The following MAST4 variants were observed in gnomAD, a reference collection of about 807,000 sequenced individuals.
MAST4 encodes the protein microtubule associated serine/threonine kinase family member 4.
A neutral mutation model predicts 162.7 loss-of-function variants in MAST4; 89 were observed. The observed-to-expected ratio is 0.55, with a 90% CI of 0.46 to 0.65. The LOEUF is 0.65. MAST4 is among the 30% of genes least tolerant of loss of function. The pLI is 0.00. For missense variants in MAST4, 3,153 were observed against 3,374.0 expected (o/e 0.93, Z 1.62); for synonymous variants, 1,479 against 1,361.1 (o/e 1.09, Z -1.91).
chr5:67,152,600 G>A, intron 24 of MAST4, 37 bp from the exon 25 acceptor site: 1 of 1,578,736 alleles, frequency 6.3e-7, no homozygotes, highest in Non-Finnish European at 8.7e-7. Context: ...GCTTGTGTGA[G>A]CCACATGGGC....
At chr5:66,942,407 G>GGAAT (rs1353066249) in intron 4 of MAST4, among the ~76,000 whole-genome samples, 1 of 152,106 alleles carries the variant, frequency 6.6e-6, no homozygotes, top group Non-Finnish European at 1.5e-5. Context: ...AAGCTGTTGG[G>GGAAT]GAATCCCAGT....
At chr5:66,736,289 T>C (rs1223259630) in intron 1 of MAST4, among the ~76,000 whole-genome samples, 1 of 151,692 alleles carries the variant, frequency 6.6e-6, no homozygotes, top group Non-Finnish European at 1.5e-5. Flanking sequence ...AGATGGAGAA[T>C]ACTTTGGCAA....
rs557337437 is a variant in MAST4, at chr5:66,609,712, T to G, written c.363+12694T>G. 5.3e-3 allele frequency among the ~76,000 whole-genome samples: 782 copies of G among 147,456 alleles called. 4 individuals are homozygous for G. Among genetic ancestry groups the G allele is most frequent in the African/African-American group, 0.017 (656 of 38,094 alleles). On this transcript the variant is annotated intron_variant, in intron 1 of 28. Transcript: ENST00000403625. ...TGGTGTTTTTTTTTTTTTGTTTTTT[T>G]TTTTTTGTTTTGTTTTTAAAACAAA...
At chr5:66,682,744 A>AT (rs1020920053) in intron 1 of MAST4, among the ~76,000 whole-genome samples, 1 of 152,004 alleles carries the variant, frequency 6.6e-6, no homozygotes, top group Non-Finnish European at 1.5e-5. Flanking sequence ...GAAGCAGACC[A>AT]TTTTTTTTCC....
chr5:67,132,417 T>G (rs1442775874), intron 16 of MAST4, among the ~76,000 whole-genome samples: 1 of 152,144 alleles, frequency 6.6e-6, no homozygotes, highest in African/African-American at 2.4e-5. Flanking sequence ...TTTTAAGTTT[T>G]TTTTTCAAAT....
chr5:67,025,971 A>G (rs1198603721), intron 4 of MAST4, among the ~76,000 whole-genome samples: 2 of 152,186 alleles, frequency 1.3e-5, no homozygotes, highest in Non-Finnish European at 2.9e-5. Context: ...ATGAATGTAT[A>G]AAGATTGTGT....
At chr5:67,102,001 T>C (rs1441700405) in intron 8 of MAST4, among the ~76,000 whole-genome samples, 1 of 149,722 alleles carries the variant, frequency 6.7e-6, no homozygotes, top group Non-Finnish European at 1.5e-5. Context: ...AATGCCTACC[T>C]CAGCATCCTA....
intron 4 of MAST4, among the ~76,000 whole-genome samples, chr5:66,947,826 C>G (rs1317978578): frequency 6.6e-6 from 1 of 152,088 alleles, no homozygotes; most frequent in Non-Finnish European, 1.5e-5. Flanking sequence ...TGTTGGGTCT[C>G]AAGAATTTCC....
intron 4 of MAST4, among the ~76,000 whole-genome samples, chr5:67,011,527 C>T (rs987146470): frequency 6.6e-6 from 1 of 152,212 alleles, no homozygotes; most frequent in Non-Finnish European, 1.5e-5. Flanking sequence ...TATTCCATGA[C>T]GCCGTCCAGT....
chr5:66,639,304 G>GT (rs1745330820), intron 1 of MAST4, among the ~76,000 whole-genome samples: 1 of 151,812 alleles, frequency 6.6e-6, no homozygotes, highest in Admixed American at 6.6e-5. Context: ...GTGTGTGTGT[G>GT]TGTGTGTGTT....
At chr5:67,084,403 A>G (rs149614715) in intron 5 of MAST4, among the ~76,000 whole-genome samples, 3 of 152,336 alleles carry the variant, frequency 2.0e-5, no homozygotes, top group African/African-American at 7.2e-5. Context: ...GGATATACAC[A>G]TCTGTATCTA....
At chr5:67,111,429 T>G (rs992394830) in intron 11 of MAST4, among the ~76,000 whole-genome samples, 7 of 152,112 alleles carry the variant, frequency 4.6e-5, no homozygotes, top group Non-Finnish European at 7.4e-5. Flanking sequence ...AGGAGAAAGG[T>G]AGGGAGTTGG....
intron 4 of MAST4, among the ~76,000 whole-genome samples, chr5:66,961,830 A>G (rs1038013366): frequency 2.0e-5 from 3 of 152,210 alleles, no homozygotes; most frequent in Non-Finnish European, 2.9e-5. Flanking sequence ...GAGCTTTCCA[A>G]TGAGCTGCTA....
At chr5:66,649,821 T>A (rs1209337789) in intron 1 of MAST4, among the ~76,000 whole-genome samples, 1 of 152,122 alleles carries the variant, frequency 6.6e-6, no homozygotes, top group Non-Finnish European at 1.5e-5. Context: ...TCCCAGCACT[T>A]TGGGAGTCTG....
chr5:66,839,800 A>G (rs1758288540), intron 3 of MAST4, among the ~76,000 whole-genome samples: 1 of 152,170 alleles, frequency 6.6e-6, no homozygotes, highest in South Asian at 2.1e-4. Flanking sequence ...AATTCAGCCA[A>G]GATTTTTGTT....
rs149977728 is a variant in MAST4 at position 66,952,742 on chromosome 5, C to T, written c.674+52760C>T. On this transcript the variant is annotated intron_variant, in intron 4 of 28. Transcript: ENST00000403625. ...GTTCCACCGTCAGAGACTTTACAAT[C>T]GCTGCTCCCTTTGCCTGCAGCACTC... 5.9e-5 allele frequency among the ~76,000 whole-genome samples: 9 copies of T among 152,292 alleles called. No individual in the cohort carries two copies. The East Asian group carries it at 9.6e-4, about 16-fold the overall frequency.
intron 1 of MAST4, among the ~76,000 whole-genome samples, chr5:66,741,386 A>G (rs1752469442): frequency 6.6e-6 from 1 of 152,174 alleles, no homozygotes; most frequent in African/African-American, 2.4e-5. Context: ...CAGTGAATTT[A>G]TATAAATCAG....
At chr5:67,008,600 A>G (rs534139106) in intron 4 of MAST4, among the ~76,000 whole-genome samples, 2 of 152,284 alleles carry the variant, frequency 1.3e-5, no homozygotes, top group African/African-American at 2.4e-5. Flanking sequence ...TCATGTTTTC[A>G]TTTTGCTTAA....
At chr5:66,675,683 G>T (rs1747899906) in intron 1 of MAST4, among the ~76,000 whole-genome samples, 1 of 152,144 alleles carries the variant, frequency 6.6e-6, no homozygotes, top group African/African-American at 2.4e-5. Context: ...AGTTAAGCTG[G>T]AAGGGCTAGG....
Sources: gnomAD v4.1 joint callset for allele counts (sites outside exome capture counted in the v4.1 genomes callset) on GRCh38, gnomAD v4.1.1 for gene constraint, MANE v1.5 for transcripts, NCBI Gene and HGNC (gene_info 2026-07-23, HGNC 2026-07-21) for gene names.